Variants in THEMIS observed in about 807,000 individuals in gnomAD.
THEMIS encodes thymocyte selection associated.
THEMIS carries 37 observed loss-of-function variants against 52.6 expected under a neutral mutation model. The ratio of observed to expected loss-of-function variants is 0.70; its 90% confidence interval spans 0.54 to 0.93. THEMIS has a LOEUF of 0.93. Among genes scored for constraint, THEMIS ranks in the 40% least tolerant of loss-of-function variants. THEMIS has a pLI of 0.00. For missense variants in THEMIS, 808 were observed against 763.1 expected (o/e 1.06, Z -0.69); for synonymous variants, 292 against 272.7 (o/e 1.07, Z -0.70).
intron 2 of THEMIS, among the ~76,000 whole-genome samples, chr6:127,832,089 T>C (rs1337716446): frequency 6.6e-6 from 1 of 152,210 alleles, no homozygotes; most frequent in Non-Finnish European, 1.5e-5. Flanking sequence ...CATAGTTTTA[T>C]TTTTATCCTA....
intron 5 of THEMIS, among the ~76,000 whole-genome samples, chr6:127,716,649 T>C (rs1391297521): frequency 6.6e-6 from 1 of 151,962 alleles, no homozygotes; most frequent in Non-Finnish European, 1.5e-5. Context: ...GCGCTGTTCC[T>C]GGGAGCACTT....
At chr6:127,885,268 T>G (rs998471574) in intron 1 of THEMIS, among the ~76,000 whole-genome samples, 16 of 152,252 alleles carry the variant, frequency 1.1e-4, no homozygotes, top group African/African-American at 3.8e-4. Context: ...AAAACTTGCA[T>G]AACCTTCTAA....
At chr6:127,877,467 T>G (rs1057262982) in intron 1 of THEMIS, among the ~76,000 whole-genome samples, 2 of 152,176 alleles carry the variant, frequency 1.3e-5, no homozygotes, top group South Asian at 4.1e-4. Flanking sequence ...GTATGACTCT[T>G]CCTTTCACTT....
intron 3 of THEMIS, among the ~76,000 whole-genome samples, chr6:127,824,606 A>G (rs1287189929): frequency 6.6e-6 from 1 of 152,126 alleles, no homozygotes. Flanking sequence ...CTTAAAAAAA[A>G]AAGAACCCCA....
In THEMIS at chr6:127,812,924, A is replaced by G; in HGVS notation, c.1717T>C (p.Leu573=). ...AGGTCTACCGTCCTTTCTTCTGCTA[A>G]GGTTAGCAGGGTTAACTTTGTTTCC... ...VEETKLTLLT[L]AEERTVDLPK... is the part of the protein sequence containing the mutation. Residue 573 remains leucine (L), a synonymous_variant, in exon 4 of 6, where the codon TTA becomes CTA. Coordinates refer to ENST00000368248, the MANE Select transcript of THEMIS (RefSeq NM_001010923.3). 1 of 1,613,098 alleles carries G rather than the reference A, an allele frequency of 6.2e-7. No individual in the cohort carries two copies. Among genetic ancestry groups the G allele is most frequent in the Non-Finnish European group, 8.5e-7 (1 of 1,179,536 alleles).
chr6:127,767,546 C>T (rs768241261), intron 4 of THEMIS, among the ~76,000 whole-genome samples: 10 of 152,118 alleles, frequency 6.6e-5, no homozygotes, highest in Admixed American at 1.3e-4. Flanking sequence ...TGTCTTCGAC[C>T]TCCACGTCTT....
chr6:127,713,205 G>A (rs771244878), intron 5 of THEMIS, among the ~76,000 whole-genome samples: 2 of 151,712 alleles, frequency 1.3e-5, no homozygotes, highest in Non-Finnish European at 2.9e-5. Flanking sequence ...TCAAATTGTT[G>A]GCTGAGACTG....
intron 1 of THEMIS, among the ~76,000 whole-genome samples, chr6:127,884,999 T>C (rs1203428127): frequency 6.6e-6 from 1 of 152,172 alleles, no homozygotes; most frequent in African/African-American, 2.4e-5. Context: ...TCACCTGTGT[T>C]ACCTCCTTTA....
chr6:127,859,517 G>GT (rs1779725989), intron 1 of THEMIS, among the ~76,000 whole-genome samples: 2 of 152,036 alleles, frequency 1.3e-5, no homozygotes, highest in African/African-American at 4.8e-5. Flanking sequence ...TAGATGATTA[G>GT]TGAATGTTGT....
At chr6:127,866,424 C>T (rs1256789220) in intron 1 of THEMIS, among the ~76,000 whole-genome samples, 1 of 151,850 alleles carries the variant, frequency 6.6e-6, no homozygotes, top group Admixed American at 6.6e-5. Context: ...TCTTTGAATG[C>T]TTTTCTTAGC....
chr6:127,783,451 C>A (rs1306411648), intron 4 of THEMIS, among the ~76,000 whole-genome samples: 4 of 152,114 alleles, frequency 2.6e-5, no homozygotes, highest in Non-Finnish European at 4.4e-5. Context: ...AGTGAATAGG[C>A]AACTTACAGA....
intron 4 of THEMIS, among the ~76,000 whole-genome samples, chr6:127,748,435 A>C (rs917657321): frequency 3.3e-5 from 5 of 152,060 alleles, no homozygotes; most frequent in Admixed American, 6.6e-5. Flanking sequence ...CTCTCACTGC[A>C]ACTAATCCAG....
rs1006367517 is a variant in THEMIS at position 127,867,828 on chromosome 6, T to C, written c.92-12640A>G. Among the ~76,000 whole-genome samples the C allele has an allele frequency of 2.0e-5, 3 of 152,138 alleles. No homozygotes were observed. The South Asian group carries it at 6.2e-4, about 31-fold the overall frequency. On this transcript the variant is annotated intron_variant, in intron 1 of 5. Transcript: ENST00000368248. ...TCGAGGAAAAATGTATATTTTTATTTGAAACACCAAAGTTAAGAGGTCTGT... is the reference window on the plus strand; with the variant it reads ...TCGAGGAAAAATGTATATTTTTATTCGAAACACCAAAGTTAAGAGGTCTGT...
At chr6:127,788,793 A>C (rs1263103959) in intron 4 of THEMIS, among the ~76,000 whole-genome samples, 3 of 152,196 alleles carry the variant, frequency 2.0e-5, no homozygotes, top group African/African-American at 7.2e-5. Context: ...ACTCTCCAGG[A>C]AGACAAAATA....
intron 3 of THEMIS, among the ~76,000 whole-genome samples, chr6:127,815,336 T>C (rs1778090531): frequency 6.6e-6 from 1 of 152,058 alleles, no homozygotes; most frequent in African/African-American, 2.4e-5. Flanking sequence ...CTTTTGAAAA[T>C]GAACAATTTG....
intron 4 of THEMIS, among the ~76,000 whole-genome samples, chr6:127,777,269 T>C (rs1300031927): frequency 6.6e-6 from 1 of 152,058 alleles, no homozygotes; most frequent in East Asian, 1.9e-4. Flanking sequence ...TTTCAGATTT[T>C]GTTTTATCTA....
chr6:127,897,510 G>T (rs952600434), intron 1 of THEMIS, among the ~76,000 whole-genome samples: 1 of 151,334 alleles, frequency 6.6e-6, no homozygotes, highest in East Asian at 1.9e-4. Context: ...GCAAAAAAGA[G>T]TATTTCCAAA....
chr6:127,831,037 G>A (rs1160895279), intron 2 of THEMIS, among the ~76,000 whole-genome samples: 5 of 152,178 alleles, frequency 3.3e-5, no homozygotes, highest in South Asian at 4.1e-4. Context: ...ACCAGGTTCT[G>A]TAGTTGTTCT....
chr6:127,858,590 A>T (rs2114318418), intron 1 of THEMIS, among the ~76,000 whole-genome samples: 1 of 152,258 alleles, frequency 6.6e-6, no homozygotes, highest in South Asian at 2.1e-4. Flanking sequence ...GGTGAATTTT[A>T]AAAATATCCA....
Sources: gnomAD v4.1 joint callset for allele counts (sites outside exome capture counted in the v4.1 genomes callset) on GRCh38, gnomAD v4.1.1 for gene constraint, MANE v1.5 for transcripts, NCBI Gene and HGNC (gene_info 2026-07-23, HGNC 2026-07-21) for gene names.